The following MNAT1 variants were observed in gnomAD, a reference collection of about 807,000 sequenced individuals.
The protein encoded by MNAT1 is CDK-activating kinase assembly factor MAT1.
A neutral mutation model predicts 42.0 loss-of-function variants in MNAT1; 43 were observed. The ratio of observed to expected loss-of-function variants is 1.02; its 90% CI spans 0.80 to 1.32. MNAT1 has a LOEUF of 1.32. Ranked by LOEUF, MNAT1 falls within the 40% of genes most tolerant of loss-of-function variation. MNAT1 has a pLI of 0.00. For missense variants in MNAT1, 306 were observed against 350.4 expected (o/e 0.87, Z 1.01); for synonymous variants, 118 against 120.0 (o/e 0.98, Z 0.11).
intron 6 of MNAT1, among the ~76,000 whole-genome samples, chr14:60,840,539 A>C (rs1039732943): frequency 3.3e-5 from 5 of 152,216 alleles, no homozygotes; most frequent in African/African-American, 1.2e-4. Context: ...GTAAATGCAG[A>C]GATGGATTGC....
intron 7 of MNAT1, among the ~76,000 whole-genome samples, chr14:60,880,421 G>A (rs1270482588): frequency 2.6e-5 from 4 of 152,142 alleles, no homozygotes; most frequent in African/African-American, 9.7e-5. Context: ...TTGTATACTT[G>A]AAAAGCGCAG....
chr14:60,869,040 A>ATATATATATTTTTT (rs1465360826), intron 6 of MNAT1, among the ~76,000 whole-genome samples: 2 of 113,028 alleles, frequency 1.8e-5, no homozygotes, highest in African/African-American at 6.8e-5. Context: ...ATATATATAT[A>ATATATATATTTTTT]TTTTTTTTTT....
At chr14:60,834,336 C>G (rs997785134) in intron 6 of MNAT1, among the ~76,000 whole-genome samples, 29 of 152,278 alleles carry the variant, frequency 1.9e-4, no homozygotes, top group Admixed American at 5.9e-4. Context: ...TTAGCTGTGT[C>G]CCAGAGATTC....
Position 60,740,706 on chromosome 14 carries a change from G to T in MNAT1, c.89+5755G>T, listed in dbSNP as rs949268346. Among the ~76,000 whole-genome samples, 1 of 152,108 alleles carries T rather than the reference G, an allele frequency of 6.6e-6. No homozygotes were observed. The highest frequency in any genetic ancestry group is 1.5e-5 in the Non-Finnish European group (1 of 68,014). ...TAGATATATTATTTTATAATTTTCT[G>T]TTGTGATAAGAGGATATACTCTATA... On this transcript the variant is annotated intron_variant, in intron 1 of 7. Coordinates refer to ENST00000261245, the MANE Select transcript of MNAT1 (RefSeq NM_002431.4). The surrounding 1 kb of genome is among the most constrained non-coding windows in gnomAD (Gnocchi z 4.1).
chr14:60,940,920 C>G lies in MNAT1; in HGVS notation c.810-27309C>G, dbSNP rs139883765. Among the ~76,000 whole-genome samples the G allele has an allele frequency of 1.1e-4, 16 of 152,206 alleles. No individual in the cohort carries two copies. In the East Asian group the frequency reaches 3.1e-3, roughly 29 times the overall value. ...AAAAAAAGTTAGAGTGAGATTTGAACTTTAGTCATATATAGTTTCTATTGA... is the reference window on the plus strand; with the variant it reads ...AAAAAAAGTTAGAGTGAGATTTGAAGTTTAGTCATATATAGTTTCTATTGA... On this transcript the variant is annotated intron_variant, in intron 7 of 7. Transcript: ENST00000261245.
At chr14:60,933,256 T>G (rs1594887171) in intron 7 of MNAT1, among the ~76,000 whole-genome samples, 1 of 152,254 alleles carries the variant, frequency 6.6e-6, no homozygotes, top group East Asian at 1.9e-4. Context: ...TCTCCTTTTT[T>G]TCTTCTTCTA....
chr14:60,826,530 A>G (rs2033062825), intron 6 of MNAT1, among the ~76,000 whole-genome samples: 1 of 151,938 alleles, frequency 6.6e-6, no homozygotes, highest in Admixed American at 6.6e-5. Context: ...CATACTGACC[A>G]GGCTGGTCTT....
intron 7 of MNAT1, among the ~76,000 whole-genome samples, chr14:60,927,644 C>G (rs141434254): frequency 6.6e-6 from 1 of 152,304 alleles, no homozygotes; most frequent in East Asian, 1.9e-4. Flanking sequence ...GACAATTGAA[C>G]ATGCTCTAGG....
At chr14:60,758,715 C>T (rs956385487) in intron 1 of MNAT1, among the ~76,000 whole-genome samples, 6 of 152,110 alleles carry the variant, frequency 3.9e-5, no homozygotes, top group African/African-American at 1.2e-4. Context: ...ATGCTTCTCA[C>T]ATTTTAAAAA....
Position 60,808,316 on chromosome 14 carries a change from C to T in MNAT1, c.317-9C>T, listed in dbSNP as rs1012049508. On this transcript the variant is annotated splice_polypyrimidine_tract_variant and intron_variant, in intron 3 of 7. Transcript: ENST00000261245. ...TATTTTTCATGTCATCGTTTCCTTT[C>T]TAATGCAGTTTTCAACTTGACCAAC... 2.2e-5 allele frequency: 33 copies of T among 1,521,956 alleles called. No individual in the cohort carries two copies. Among genetic ancestry groups the T allele is most frequent in the Non-Finnish European group, 2.8e-5 (32 of 1,128,928 alleles). The allele number at this position is 1,521,956 out of a possible 1,614,324, so 94.3% of individuals were successfully genotyped here.
intron 1 of MNAT1, among the ~76,000 whole-genome samples, chr14:60,782,829 T>A (rs531832865): frequency 2.6e-5 from 4 of 152,292 alleles, no homozygotes; most frequent in African/African-American, 9.6e-5. Context: ...TATGCTCTGC[T>A]CCCTCTCAGT....
At chr14:60,755,994 G>A (rs1179949287) in intron 1 of MNAT1, among the ~76,000 whole-genome samples, 1 of 152,168 alleles carries the variant, frequency 6.6e-6, no homozygotes, top group Non-Finnish European at 1.5e-5. Context: ...ACATATATAA[G>A]TGAATTTGTG....
chr14:60,888,212 A>T (rs1668679521), intron 7 of MNAT1, among the ~76,000 whole-genome samples: 1 of 142,944 alleles, frequency 7.0e-6, no homozygotes, highest in African/African-American at 2.6e-5. Flanking sequence ...AAATATTGGC[A>T]AACCGAATCC....
At chr14:60,869,671 A>G (rs977659761) in intron 6 of MNAT1, among the ~76,000 whole-genome samples, 3 of 152,186 alleles carry the variant, frequency 2.0e-5, no homozygotes, top group African/African-American at 7.2e-5. Context: ...TTGTAATTAC[A>G]ACCTCTTCTA....
intron 6 of MNAT1, among the ~76,000 whole-genome samples, chr14:60,854,790 T>C (rs946994196): frequency 3.3e-5 from 5 of 152,196 alleles, no homozygotes; most frequent in African/African-American, 1.2e-4. Context: ...AGGGACCCAC[T>C]TGAGCAGGCA....
In MNAT1 at chr14:60,818,718, A is replaced by G. The variant is rs374785526; in HGVS notation, c.562-4A>G. On this transcript the variant is annotated splice_polypyrimidine_tract_variant and splice_region_variant and intron_variant, in intron 5 of 7. Transcript: ENST00000261245. ...TTCTTATTGAACTTGAACTATTCTT[A>G]CAGGAGAGTTCTGATCTCCCTGTTG... 1.3e-6 allele frequency: 2 copies of G among 1,593,194 alleles called. No homozygotes were observed. The highest frequency in any genetic ancestry group is 1.7e-6 in the Non-Finnish European group (2 of 1,169,416).
chr14:60,957,673 A>C (rs1411256075), intron 7 of MNAT1, among the ~76,000 whole-genome samples: 2 of 152,210 alleles, frequency 1.3e-5, no homozygotes, highest in Non-Finnish European at 2.9e-5. Context: ...GTATTTTTAC[A>C]TTATATATCC....
chr14:60,876,046 A>G (rs1415807150), intron 6 of MNAT1, among the ~76,000 whole-genome samples: 2 of 152,054 alleles, frequency 1.3e-5, no homozygotes, highest in Non-Finnish European at 2.9e-5. Context: ...TAGCTAAAAC[A>G]TGTGACACCA....
chr14:60,862,607 G>A (rs1235662729), intron 6 of MNAT1, among the ~76,000 whole-genome samples: 2 of 152,192 alleles, frequency 1.3e-5, no homozygotes, highest in African/African-American at 4.8e-5. Context: ...GGCATGTACA[G>A]TTGAATGAAA....
Sources: allele counts gnomAD v4.1 joint callset (sites outside exome capture counted in the v4.1 genomes callset), GRCh38; gene constraint gnomAD v4.1.1; non-coding constraint Gnocchi (gnomAD v3.1); transcripts MANE v1.5; gene names NCBI Gene and HGNC (gene_info 2026-07-23, HGNC 2026-07-21).